Variants in KCNQ5 observed in about 807,000 individuals in gnomAD.
KCNQ5 encodes the protein potassium voltage-gated channel subfamily KQT member 5.
KCNQ5 carries 30 observed loss-of-function variants against 98.2 expected under a neutral mutation model. The ratio of observed to expected loss-of-function variants is 0.31; its 90% confidence interval spans 0.23 to 0.41. The LOEUF is 0.41. Among genes scored for constraint, KCNQ5 ranks in the 10% least tolerant of loss-of-function variants. The pLI is 1.00. For synonymous variants in KCNQ5, 458 were observed against 449.4 expected (o/e 1.02, Z -0.24); for missense variants, 835 against 1,182.5 (o/e 0.71, Z 4.31).
intron 1 of KCNQ5, among the ~76,000 whole-genome samples, chr6:72,959,139 T>C (rs1582090131): frequency 1.3e-5 from 2 of 152,198 alleles, no homozygotes; most frequent in Non-Finnish European, 1.5e-5. Context: ...GGGGTCTTGT[T>C]ATGAGGCAGA....
chr6:72,816,473 T>C (rs1290611994), intron 1 of KCNQ5, among the ~76,000 whole-genome samples: 1 of 152,164 alleles, frequency 6.6e-6, no homozygotes, highest in African/African-American at 2.4e-5. Context: ...ACGGGGAGAC[T>C]ACAACAGGCT....
chr6:72,858,888 A>G lies in KCNQ5; in HGVS notation c.399-145020A>G, dbSNP rs138419402. Among the ~76,000 whole-genome samples the G allele has an allele frequency of 5.0e-3, 759 of 152,234 alleles. 12 individuals carry two copies. Among genetic ancestry groups the G allele is most frequent in the East Asian group, 0.025 (131 of 5,184 alleles). On this transcript the variant is annotated intron_variant, in intron 1 of 13. Transcript: ENST00000370398. Reference sequence around the variant, plus strand: ...TAGTTTAGTTAATTTCATTGTGTCAATGCTGGTTTCTTGGTTTTGATGAAG... The same window carrying G: ...TAGTTTAGTTAATTTCATTGTGTCAGTGCTGGTTTCTTGGTTTTGATGAAG...
At position 73,063,686 on chromosome 6, in the gene KCNQ5, T is replaced by TAGATAGATAGATGATA. The variant is rs55995543; in HGVS notation, c.617-13636_617-13635insAGATAGATAGATGATA. On this transcript the variant is annotated intron_variant, in intron 3 of 13. Coordinates refer to ENST00000370398, the MANE Select transcript of KCNQ5 (RefSeq NM_019842.4). ...GATAGATGATAGATAGATAGATAGA[T>TAGATAGATAGATGATA]GATAGATAGATAGATAGATAGATAG... is the stretch of plus-strand genomic sequence containing the variant. Among the ~76,000 whole-genome samples, 252 of 93,248 alleles carry TAGATAGATAGATGATA rather than the reference T, an allele frequency of 2.7e-3. 8 individuals are homozygous for TAGATAGATAGATGATA. Among genetic ancestry groups the TAGATAGATAGATGATA allele is most frequent in the East Asian group, 8.4e-3 (26 of 3,084 alleles). 61.2% of individuals were successfully genotyped at this position (93,248 alleles called of 152,430 possible). A position where few individuals can be genotyped will look rare whatever the true frequency, so the allele number is the denominator to read the frequency against.
At chr6:73,058,474 C>CAT (rs2150373001) in intron 3 of KCNQ5, among the ~76,000 whole-genome samples, 1 of 152,208 alleles carries the variant, frequency 6.6e-6, no homozygotes, top group East Asian at 1.9e-4. Flanking sequence ...CCACTCTGGA[C>CAT]ATATAGGACC....
chr6:73,030,995 G>A (rs1237036885), intron 2 of KCNQ5, among the ~76,000 whole-genome samples: 1 of 152,154 alleles, frequency 6.6e-6, no homozygotes, highest in Non-Finnish European at 1.5e-5. Flanking sequence ...CTTCTGCTTA[G>A]CCTTCAGGAG....
chr6:73,131,014 A>T (rs1776211616), intron 9 of KCNQ5, among the ~76,000 whole-genome samples: 1 of 152,188 alleles, frequency 6.6e-6, no homozygotes, highest in Non-Finnish European at 1.5e-5. Flanking sequence ...ACAAAAGGGA[A>T]ATGTTACTTA....
At chr6:73,142,457 G>A (rs1776760954) in intron 10 of KCNQ5, among the ~76,000 whole-genome samples, 1 of 151,288 alleles carries the variant, frequency 6.6e-6, no homozygotes, top group Non-Finnish European at 1.5e-5. Flanking sequence ...TATAACTTCT[G>A]GTCTAACCAT....
intron 1 of KCNQ5, among the ~76,000 whole-genome samples, chr6:72,956,321 CA>C (rs1767047704): frequency 6.6e-6 from 1 of 151,940 alleles, no homozygotes; most frequent in South Asian, 2.1e-4. Context: ...TTAGCAGCCT[CA>C]AAAAAATTGA....
At chr6:73,025,320 CTT>C (rs992804525) in intron 2 of KCNQ5, among the ~76,000 whole-genome samples, 1 of 152,146 alleles carries the variant, frequency 6.6e-6, no homozygotes, top group Non-Finnish European at 1.5e-5. Context: ...ATTCTACAAA[CTT>C]ATAAATAAAA....
At chr6:72,846,515 G>GA (rs201092733) in intron 1 of KCNQ5, among the ~76,000 whole-genome samples, 164 of 141,760 alleles carry the variant, frequency 1.2e-3, no homozygotes, top group East Asian at 3.5e-3. Flanking sequence ...CTCTACAGGG[G>GA]AAAAAAAAAA....
chr6:72,773,955 C>A (rs1013041817), intron 1 of KCNQ5, among the ~76,000 whole-genome samples: 1 of 152,050 alleles, frequency 6.6e-6, no homozygotes, highest in African/African-American at 2.4e-5. Flanking sequence ...CAGAAGCAGA[C>A]CCATGCTTAC....
At chr6:73,090,514 T>C (rs1774199906) in intron 5 of KCNQ5, among the ~76,000 whole-genome samples, 1 of 152,196 alleles carries the variant, frequency 6.6e-6, no homozygotes, top group Non-Finnish European at 1.5e-5. Flanking sequence ...GTTTCTCCAA[T>C]GTTATCTTCT....
intron 1 of KCNQ5, among the ~76,000 whole-genome samples, chr6:72,855,416 T>C (rs1182939274): frequency 3.3e-5 from 5 of 152,134 alleles, no homozygotes; most frequent in Non-Finnish European, 7.4e-5. Flanking sequence ...GAAAGGTACT[T>C]TGTGTTTTTG....
chr6:72,760,050 A>G (rs1341979379), intron 1 of KCNQ5, among the ~76,000 whole-genome samples: 1 of 152,170 alleles, frequency 6.6e-6, no homozygotes, highest in Non-Finnish European at 1.5e-5. Flanking sequence ...TGAAACATTC[A>G]GCATTTCTTC....
At chr6:72,853,357 C>A (rs192293375) in intron 1 of KCNQ5, among the ~76,000 whole-genome samples, 148 of 152,150 alleles carry the variant, frequency 9.7e-4, no homozygotes, top group Middle Eastern at 3.4e-3. Context: ...TGGGAGGCTG[C>A]GGGGGAGACA....
At chr6:72,681,029 C>G (rs1767678676) in intron 1 of KCNQ5, among the ~76,000 whole-genome samples, 1 of 152,198 alleles carries the variant, frequency 6.6e-6, no homozygotes, top group Non-Finnish European at 1.5e-5. Context: ...TACCAAAGCA[C>G]TTGAGTAAAA....
At chr6:73,184,083 T>C in intron 11 of KCNQ5, among the ~76,000 whole-genome samples, 1 of 152,176 alleles carries the variant, frequency 6.6e-6, no homozygotes, top group East Asian at 1.9e-4. Context: ...CCCTGGACAG[T>C]TTTGTTTTGC....
intron 1 of KCNQ5, among the ~76,000 whole-genome samples, chr6:72,844,193 A>G (rs537689819): frequency 7.9e-5 from 12 of 152,326 alleles, no homozygotes; most frequent in Non-Finnish European, 1.8e-4. Flanking sequence ...TAACCACTGC[A>G]AGACACAGTG....
chr6:72,664,409 G>A (rs956652224), intron 1 of KCNQ5, among the ~76,000 whole-genome samples: 1 of 151,904 alleles, frequency 6.6e-6, no homozygotes, highest in South Asian at 2.1e-4. Flanking sequence ...ATCCCAGCAC[G>A]TTGGGAGGCT....
Sources: allele counts gnomAD v4.1 joint callset (sites outside exome capture counted in the v4.1 genomes callset), GRCh38; gene constraint gnomAD v4.1.1; transcripts MANE v1.5; gene names NCBI Gene and HGNC (gene_info 2026-07-23, HGNC 2026-07-21).